SOS1: variants seen among roughly 807,000 people sequenced by gnomAD.
SOS1 encodes son of sevenless homolog 1.
A neutral mutation model predicts 157.6 loss-of-function variants in SOS1; 25 were observed. The ratio of observed to expected loss-of-function variants is 0.16; its 90% CI spans 0.12 to 0.22. SOS1 has a LOEUF of 0.22. SOS1 is among the 10% of genes least tolerant of loss of function. SOS1 has a pLI of 1.00. For missense variants in SOS1, 1,237 were observed against 1,599.1 expected (o/e 0.77, Z 3.86); for synonymous variants, 528 against 534.0 (o/e 0.99, Z 0.16).
intron 1 of SOS1, among the ~76,000 whole-genome samples, chr2:39,100,580 A>G (rs1398976646): frequency 6.6e-6 from 1 of 152,212 alleles, no homozygotes; most frequent in Non-Finnish European, 1.5e-5. Flanking sequence ...TACTGATGAC[A>G]TCGCTTATAT....
intron 17 of SOS1, among the ~76,000 whole-genome samples, chr2:39,005,622 C>T (rs1035207141): frequency 3.3e-5 from 5 of 151,714 alleles, no homozygotes; most frequent in Admixed American, 6.6e-5. Flanking sequence ...GCTATAAAGC[C>T]CAAACAATAA....
chr2:39,056,067 A>C (rs1391344026), intron 4 of SOS1, among the ~76,000 whole-genome samples: 2 of 152,228 alleles, frequency 1.3e-5, no homozygotes, highest in Non-Finnish European at 2.9e-5. Flanking sequence ...TTGTGGTTTT[A>C]CATTTTGAAA....
rs572790379 is a variant in SOS1 at position 38,984,812 on chromosome 2, T to C, written c.*1012A>G. ...ATAACATTCACTATATACATATGATTTAGGCAATGCAAGATAATTCTAGAT... is the reference window on the plus strand; with the variant it reads ...ATAACATTCACTATATACATATGATCTAGGCAATGCAAGATAATTCTAGAT... On this transcript the variant is annotated 3_prime_UTR_variant, in exon 23 of 23. Transcript: ENST00000402219. 1 of 152,314 alleles carries C rather than the reference T, an allele frequency of 6.6e-6. No individual in the cohort carries two copies. Among genetic ancestry groups the C allele is most frequent in the Non-Finnish European group, 1.5e-5 (1 of 68,028 alleles). The allele number at this position is 152,314 out of a possible 1,614,324, so 9.4% of individuals were successfully genotyped here. A position where few individuals can be genotyped will look rare whatever the true frequency, so the allele number is the denominator to read the frequency against.
intron 1 of SOS1, among the ~76,000 whole-genome samples, chr2:39,093,842 G>A (rs1672675625): frequency 6.6e-6 from 1 of 152,156 alleles, no homozygotes; most frequent in African/African-American, 2.4e-5. Flanking sequence ...TTACTGGAAG[G>A]AACCAAAAGT....
In SOS1 at chr2:39,109,278, G is replaced by C. The variant is rs1471340406; in HGVS notation, c.87+11058C>G. 3.9e-5 allele frequency among the ~76,000 whole-genome samples: 6 copies of C among 152,300 alleles called. No individual in the cohort carries two copies. In the East Asian group the frequency reaches 9.6e-4, roughly 24 times the overall value. ...TTCCAAACATAAGCATACAAGGACA[G>C]TCTCCTAGCTTCTCATTGCCACCTA... On this transcript the variant is annotated intron_variant, in intron 1 of 22. Transcript: ENST00000402219.
chr2:39,053,789 G>A (rs1572856841), intron 5 of SOS1, among the ~76,000 whole-genome samples: 1 of 152,106 alleles, frequency 6.6e-6, no homozygotes, highest in Admixed American at 6.5e-5. Flanking sequence ...CTTTGTCTAA[G>A]TTTCAATGTT....
intron 19 of SOS1, 65 bp downstream of exon 19, chr2:38,996,857 T>TATATGTGGAAATA: frequency 3.5e-6 from 3 of 866,314 alleles, no homozygotes. Flanking sequence ...CTGAATACCT[T>TATATGTGGAAATA]TATGGAAAAC....
At chr2:39,040,141 A>G (rs1361770231) in intron 6 of SOS1, among the ~76,000 whole-genome samples, 4 of 151,224 alleles carry the variant, frequency 2.6e-5, no homozygotes, top group Non-Finnish European at 5.9e-5. Context: ...CCTCCCGAGT[A>G]GCTGGGACTA....
At chr2:39,043,559 A>G (rs1011719968) in intron 6 of SOS1, among the ~76,000 whole-genome samples, 3 of 152,160 alleles carry the variant, frequency 2.0e-5, no homozygotes, top group Non-Finnish European at 1.5e-5. Flanking sequence ...ATAACTAAAT[A>G]CCTGAGACTG....
At chr2:39,093,931 A>G (rs1672680320) in intron 1 of SOS1, among the ~76,000 whole-genome samples, 1 of 152,212 alleles carries the variant, frequency 6.6e-6, no homozygotes, top group East Asian at 1.9e-4. Context: ...ATTAAAGAAA[A>G]ATACAGTATT....
chr2:39,027,486 C>G (rs2373495), intron 8 of SOS1, among the ~76,000 whole-genome samples: 141,982 of 152,310 alleles, frequency 0.93, 66,285 homozygotes, highest in African/African-American at 0.96. Context: ...GACCTTTCTT[C>G]TACCACTTTT....
At chr2:39,075,444 T>C (rs1027719368) in intron 1 of SOS1, among the ~76,000 whole-genome samples, 7 of 152,120 alleles carry the variant, frequency 4.6e-5, no homozygotes, top group Admixed American at 1.3e-4. Context: ...CCTAAATTTT[T>C]TCAGCCTTTT....
chr2:38,982,914 T>C lies in SOS1; in HGVS notation c.*2910A>G, dbSNP rs1269097000. On this transcript the variant is annotated 3_prime_UTR_variant, in exon 23 of 23. Transcript: ENST00000402219. ...ATAGTAATTGTTCTCTGGGCTGTTG[T>C]TGACTGTAGTATTAGTGTGGCATGC... The C allele has an allele frequency of 1.3e-5, 2 of 152,172 alleles. No individual in the cohort carries two copies. Among genetic ancestry groups the C allele is most frequent in the African/African-American group, 4.8e-5 (2 of 41,450 alleles). 9.4% of individuals were successfully genotyped at this position (152,172 alleles called of 1,614,324 possible).
chr2:39,067,341 T>G (rs1419166296), intron 2 of SOS1, among the ~76,000 whole-genome samples: 1 of 152,154 alleles, frequency 6.6e-6, no homozygotes, highest in Non-Finnish European at 1.5e-5. Flanking sequence ...GATGCTGACA[T>G]GATGCTCACT....
chr2:39,022,376 T>TA (rs941713945), intron 10 of SOS1, 194 bp downstream of exon 10: 12 of 584,252 alleles, frequency 2.1e-5, no homozygotes, highest in South Asian at 4.3e-5. Context: ...ATGGTAAGGT[T>TA]AAAAAAAAGT....
chr2:39,058,149 T>C (rs569757437), intron 3 of SOS1, among the ~76,000 whole-genome samples: 1 of 152,188 alleles, frequency 6.6e-6, no homozygotes, highest in South Asian at 2.1e-4. Flanking sequence ...AAAATAGAAA[T>C]AGCATTATTC....
chr2:39,124,090 A>C (rs1173279044), upstream of SOS1: 1 of 152,264 alleles, frequency 6.6e-6, no homozygotes, highest in Non-Finnish European at 1.5e-5. Flanking sequence ...CAGCGGGGAG[A>C]CCTACAGGGA....
rs754202189 is a variant in SOS1 at position 39,053,927 on chromosome 2, C to CT, written c.720+686dup. On this transcript the variant is annotated intron_variant, in intron 5 of 22. Coordinates refer to ENST00000402219, the MANE Select transcript of SOS1 (RefSeq NM_005633.4). ...TAGACTAAACTTAAGGAAAGGAACT[C>CT]TTTTTTTTTTTTTCTTCTGAGACGG... Among the ~76,000 whole-genome samples the CT allele has an allele frequency of 9.5e-4, 138 of 145,488 alleles. 1 individual carries two copies. In the Middle Eastern group the frequency reaches 0.014, roughly 15 times the overall value.
At position 38,983,942 on chromosome 2, in the gene SOS1, T is replaced by C. The variant is rs1455416978; in HGVS notation, c.*1882A>G. 2.6e-5 allele frequency: 4 copies of C among 152,126 alleles called. No individual in the cohort carries two copies. Among genetic ancestry groups the C allele is most frequent in the African/African-American group, 7.2e-5 (3 of 41,434 alleles). 9.4% of individuals were successfully genotyped at this position (152,126 alleles called of 1,614,324 possible). A position where few individuals can be genotyped will look rare whatever the true frequency, so the allele number is the denominator to read the frequency against. On this transcript the variant is annotated 3_prime_UTR_variant, in exon 23 of 23. Transcript: ENST00000402219. ...TACCATCATAGGAATGGTACAGATA[T>C]TGAGAAAGGATTCAATTCTAACAAA...
Sources: gnomAD v4.1 joint callset for allele counts (sites outside exome capture counted in the v4.1 genomes callset) on GRCh38, gnomAD v4.1.1 for gene constraint, MANE v1.5 for transcripts, NCBI Gene and HGNC (gene_info 2026-07-23, HGNC 2026-07-21) for gene names.